FBXL7: variants seen among roughly 807,000 people sequenced by gnomAD.
FBXL7 encodes F-box/LRR-repeat protein 7.
Under a neutral mutation model 38.3 loss-of-function variants are expected in FBXL7, and 12 were observed. That is an observed-to-expected ratio of 0.31 (90% CI 0.20 to 0.51). The LOEUF (loss-of-function observed/expected upper bound fraction) is 0.51, where lower values mean the gene tolerates loss of function less well. FBXL7 is among the 20% of genes least tolerant of loss of function. The probability of loss-of-function intolerance (pLI) is 0.98; values close to 1 mark genes in which losing one functional copy is unlikely to be tolerated. For synonymous variants in FBXL7, 297 were observed against 300.9 expected, an observed-to-expected ratio of 0.99 and a Z score of 0.13; for missense variants, 567 against 676.4, an observed-to-expected ratio of 0.84 and a Z score of 1.79.
intron 2 of FBXL7, among the ~76,000 whole-genome samples, chr5:15,815,206 TA>T (rs1342731410): frequency 6.6e-6 from 1 of 152,184 alleles, no homozygotes; most frequent in Non-Finnish European, 1.5e-5. Flanking sequence ...CATTTGATAA[TA>T]TTTTTTGCAG....
chr5:15,627,290 G>A (rs1053256875), intron 2 of FBXL7, among the ~76,000 whole-genome samples: 14 of 152,196 alleles, frequency 9.2e-5, no homozygotes, highest in Non-Finnish European at 1.5e-5. Flanking sequence ...GTGGTCTAAA[G>A]CAGAAGGGAG....
rs141633188 is a variant in FBXL7 at position 15,702,766 on chromosome 5, A to G, written c.127+86694A>G. On this transcript the variant is annotated intron_variant, in intron 2 of 3. Transcript: ENST00000504595. ...TGCGCGTCCATGTGAAGAGACCACCAAACAGGCTTTGTGTGAGCAATAAAG... is the reference window on the plus strand; with the variant it reads ...TGCGCGTCCATGTGAAGAGACCACCGAACAGGCTTTGTGTGAGCAATAAAG... 5.3e-3 allele frequency among the ~76,000 whole-genome samples: 805 copies of G among 152,322 alleles called. 23 individuals carry two copies. Among genetic ancestry groups the G allele is most frequent in the Admixed American group, 0.046 (697 of 15,300 alleles).
At chr5:15,743,560 G>T (rs1210803112) in intron 2 of FBXL7, among the ~76,000 whole-genome samples, 1 of 152,224 alleles carries the variant, frequency 6.6e-6, no homozygotes, top group Non-Finnish European at 1.5e-5. Context: ...TTCACAGCTG[G>T]CATTGAGTGT....
At chr5:15,540,819 TTTATA>T (rs1378129101) in intron 1 of FBXL7, among the ~76,000 whole-genome samples, 1 of 151,940 alleles carries the variant, frequency 6.6e-6, no homozygotes, top group Non-Finnish European at 1.5e-5. Flanking sequence ...TGGGGTCCCT[TTTATA>T]AGGGCACTGA....
At chr5:15,904,490 A>T in intron 2 of FBXL7, among the ~76,000 whole-genome samples, 1 of 152,150 alleles carries the variant, frequency 6.6e-6, no homozygotes, top group Middle Eastern at 3.2e-3. Context: ...TTCTAATTTT[A>T]TTTTGGTCTT....
At chr5:15,841,032 A>G (rs749842028) in intron 2 of FBXL7, among the ~76,000 whole-genome samples, 3 of 152,144 alleles carry the variant, frequency 2.0e-5, no homozygotes, top group African/African-American at 4.8e-5. Flanking sequence ...TGACAACACT[A>G]TAGAACTTTC....
At chr5:15,608,960 G>A (rs1434028008) in intron 1 of FBXL7, among the ~76,000 whole-genome samples, 1 of 152,168 alleles carries the variant, frequency 6.6e-6, no homozygotes, top group Non-Finnish European at 1.5e-5. Flanking sequence ...CGTGTTACTG[G>A]CAATGAAACA....
intron 2 of FBXL7, among the ~76,000 whole-genome samples, chr5:15,655,764 G>C (rs779034465): frequency 1.3e-5 from 2 of 152,128 alleles, no homozygotes; most frequent in African/African-American, 4.8e-5. Context: ...AGAGACTTAC[G>C]TGTCCATTAG....
chr5:15,839,165 A>G (rs1184073008), intron 2 of FBXL7, among the ~76,000 whole-genome samples: 1 of 151,622 alleles, frequency 6.6e-6, no homozygotes, highest in Admixed American at 6.6e-5. Flanking sequence ...TGACTATCAT[A>G]CAATTTTCTA....
intron 2 of FBXL7, among the ~76,000 whole-genome samples, chr5:15,642,060 T>C (rs1339760858): frequency 2.0e-5 from 3 of 151,566 alleles, no homozygotes; most frequent in Admixed American, 2.0e-4. Context: ...TATTTTAGGA[T>C]TCAGTGAGAC....
chr5:15,771,101 A>C (rs1240600182), intron 2 of FBXL7, among the ~76,000 whole-genome samples: 2 of 152,198 alleles, frequency 1.3e-5, no homozygotes, highest in Non-Finnish European at 2.9e-5. Context: ...TCTCTGCGAC[A>C]AAAGTTATGT....
intron 2 of FBXL7, among the ~76,000 whole-genome samples, chr5:15,898,996 A>G (rs1741171177): frequency 6.6e-6 from 1 of 152,080 alleles, no homozygotes. Context: ...TGTGTGTGAG[A>G]TATGTATACA....
At chr5:15,687,179 G>T (rs1027166463) in intron 2 of FBXL7, among the ~76,000 whole-genome samples, 1 of 152,224 alleles carries the variant, frequency 6.6e-6, no homozygotes, top group Non-Finnish European at 1.5e-5. Context: ...AGAATAAGTG[G>T]TTATAATAAC....
intron 2 of FBXL7, among the ~76,000 whole-genome samples, chr5:15,753,102 G>T (rs1034547771): frequency 6.6e-5 from 10 of 152,162 alleles, no homozygotes; most frequent in African/African-American, 2.4e-4. Flanking sequence ...CCTCTTGCAG[G>T]GAGGGCTGGA....
intron 2 of FBXL7, among the ~76,000 whole-genome samples, chr5:15,648,473 C>T (rs1214041434): frequency 6.6e-6 from 1 of 152,158 alleles, no homozygotes; most frequent in Non-Finnish European, 1.5e-5. Flanking sequence ...CATAACATGG[C>T]TATTTCTACA....
rs76455930 is a variant in FBXL7 at position 15,855,785 on chromosome 5, T to C, written c.128-72105T>C. Among the ~76,000 whole-genome samples the C allele has an allele frequency of 5.7e-3, 873 of 152,284 alleles. 6 individuals carry two copies. The highest frequency in any genetic ancestry group is 9.9e-3 in the Non-Finnish European group (676 of 68,016). ...AATTTAAATGTACTTTCTAAACTAA[T>C]TTTTATGTAACAAGGAGAGTTCCAT... On this transcript the variant is annotated intron_variant, in intron 2 of 3. Transcript: ENST00000504595.
At chr5:15,651,100 C>CTTTTTTTTTT (rs1430797556) in intron 2 of FBXL7, among the ~76,000 whole-genome samples, 1 of 128,320 alleles carries the variant, frequency 7.8e-6, no homozygotes, top group African/African-American at 2.8e-5. Context: ...TTTTTTTTTT[C>CTTTTTTTTTT]TTTTTTTTTT....
intron 2 of FBXL7, among the ~76,000 whole-genome samples, chr5:15,785,881 G>A (rs759449348): frequency 5.3e-5 from 8 of 152,226 alleles, no homozygotes; most frequent in Non-Finnish European, 8.8e-5. Context: ...TGAAATCCCC[G>A]GCTTTGACTG....
rs946525145 is a variant in FBXL7 at position 15,820,614 on chromosome 5, T to C, written c.128-107276T>C. ...TTCCTGTTTCCTTTCAAGTGAATTA[T>C]CTCCTCTGAGTCTTATGTATGCTTT... On this transcript the variant is annotated intron_variant, in intron 2 of 3. Transcript: ENST00000504595. Among the ~76,000 whole-genome samples the C allele has an allele frequency of 1.4e-4, 21 of 152,176 alleles. 1 individual carries two copies. The highest frequency in any genetic ancestry group is 1.3e-3 in the Admixed American group (20 of 15,276).
Sources: gnomAD v4.1 joint callset for allele counts (sites outside exome capture counted in the v4.1 genomes callset) on GRCh38, gnomAD v4.1.1 for gene constraint, MANE v1.5 for transcripts, NCBI Gene and HGNC (gene_info 2026-07-23, HGNC 2026-07-21) for gene names.